The following BRCA2 variants were observed in gnomAD, a reference collection of about 807,000 sequenced individuals.
BRCA2 encodes BRCA2 DNA repair associated.
In BRCA2, 203 loss-of-function variants were observed where a neutral mutation model predicts 276.7. The ratio of observed to expected loss-of-function variants is 0.73; its 90% CI spans 0.65 to 0.82. The LOEUF (loss-of-function observed/expected upper bound fraction) is 0.82, where lower values mean the gene tolerates loss of function less well. Ranked by LOEUF, BRCA2 falls within the 40% of genes least tolerant of loss-of-function variation. The probability of loss-of-function intolerance (pLI) is 0.00; values close to 1 mark genes in which losing one functional copy is unlikely to be tolerated. For missense variants in BRCA2, 3,920 were observed against 3,915.0 expected, an observed-to-expected ratio of 1.00 and a Z score of -0.03; for synonymous variants, 1,289 against 1,338.4, an observed-to-expected ratio of 0.96 and a Z score of 0.81.
rs569384536 is a variant in BRCA2, at chr13:32,323,558, G to T, written c.317-1518G>T. 4.6e-5 allele frequency among the ~76,000 whole-genome samples: 7 copies of T among 152,184 alleles called. No individual in the cohort carries two copies. In the East Asian group the frequency reaches 1.4e-3, roughly 29 times the overall value. On this transcript the variant is annotated intron_variant, in intron 3 of 26. Coordinates refer to ENST00000380152, the MANE Select transcript of BRCA2 (RefSeq NM_000059.4). ...GAGGTTGGATATTTTGTTGAAGTGG[G>T]GTTTTTAAGTTACACATCCATTTGC...
In BRCA2 at chr13:32,356,561, G is replaced by A. The variant is rs786201620; in HGVS notation, c.7569G>A (p.Leu2523=). 2.5e-6 allele frequency: 4 copies of A among 1,614,184 alleles called. No individual in the cohort carries two copies. In the South Asian group the frequency reaches 3.3e-5, roughly 13 times the overall value. The change falls in exon 15 of 27, where the codon CTG becomes CTA. Residue 2523 remains leucine (L), a synonymous_variant. Transcript: ENST00000380152. ...CATCCACTCTGCCTCGAATCTCTCT[G>A]AAAGCAGCAGTAGGAGGCCAAGTTC... ...AKTSTLPRIS[L]KAAVGGQVPS...
chr13:32,357,896 A>G lies in BRCA2; in HGVS notation c.7772A>G (p.Asn2591Ser), dbSNP rs80359006. The stretch of plus-strand genomic sequence containing the variant: ...GATGGTGGATGGCTCATACCCTCCA[A>G]TGATGGAAAGGCTGGAAAAGAAGAA... ...LADGGWLIPS[N>S]DGKAGKEEFY... The change falls in exon 16 of 27, where the codon AAT (asparagine) becomes AGT (serine). Residue 2591 changes from asparagine (N) to serine (S), a missense_variant. Physicochemically the swap from Asn to Ser is conservative, Grantham distance 46. This residue lies in a region of BRCA2 where 3,263 missense variants were observed against 3,156.9 expected (regional missense o/e 1.03). Transcript: ENST00000380152. 6.2e-7 allele frequency: 1 copy of G among 1,614,172 alleles called. No homozygotes were observed. Among genetic ancestry groups the G allele is most frequent in the Non-Finnish European group, 8.5e-7 (1 of 1,180,020 alleles).
Position 32,376,724 on chromosome 13 carries a change from G to T in BRCA2, c.8687G>T (p.Arg2896Leu), listed in dbSNP as rs80359128. The T allele has an allele frequency of 6.2e-7, 1 of 1,614,084 alleles. No homozygotes were observed. The highest frequency in any genetic ancestry group is 8.5e-7 in the Non-Finnish European group (1 of 1,180,018). Residue 2896 changes from arginine to leucine, a missense_variant, in exon 21 of 27, where the codon CGT becomes CTT. This residue lies in a region of BRCA2 where 657 missense variants were observed against 758.2 expected (regional missense o/e 0.87). Transcript: ENST00000380152. ...PSRALTRQQVRALQDGAELYE... is the reference protein window; with the variant it reads ...PSRALTRQQVLALQDGAELYE... The stretch of plus-strand genomic sequence containing the variant: ...CGTGCACTAACAAGACAGCAAGTTC[G>T]TGCTTTGCAAGATGGTGCAGAGCTT...
rs80359655 is a variant in BRCA2, at chr13:32,356,477, TAAG to T, written c.7491_7493del (p.Lys2498del). 1.2e-6 allele frequency: 2 copies of T among 1,614,152 alleles called. No homozygotes were observed. The highest frequency in any genetic ancestry group is 1.7e-6 in the Non-Finnish European group (2 of 1,179,982). ...CCAGAGATATACAGGATATGCGAAT[TAAG>T]AAGAAACAAAGGCAACGCGTCTTTC... On this transcript the variant is annotated inframe_deletion, in exon 15 of 27. Transcript: ENST00000380152.
rs2137527830 is a variant in BRCA2 at position 32,340,819 on chromosome 13, T to G, written c.6464T>G (p.Leu2155Arg). The change falls in exon 11 of 27, where the codon CTC becomes CGC. Residue 2155 changes from leucine (L) to arginine (R), a missense_variant. Physicochemically the swap from Leu to Arg is moderately radical, Grantham distance 102 (BLOSUM62 -2). Coordinates refer to ENST00000380152, the MANE Select transcript of BRCA2 (RefSeq NM_000059.4). ...CACTCTATTAAAGTTTCTCCATATC[T>G]CTCTCAATTTCAACAAGACAAACAA... is the stretch of plus-strand genomic sequence containing the variant. The part of the protein sequence containing the change: ...NNHSIKVSPY[L>R]SQFQQDKQQL... 6.3e-7 allele frequency: 1 copy of G among 1,589,292 alleles called. No homozygotes were observed. Among genetic ancestry groups the G allele is most frequent in the East Asian group, 2.2e-5 (1 of 44,680 alleles).
intron 22 of BRCA2, 72 bp from the exon 23 acceptor site, chr13:32,379,677 TA>T: frequency 6.4e-7 from 1 of 1,554,468 alleles, no homozygotes. Context: ...AGAGGATCTG[TA>T]TTTATTTTGA....
At position 32,363,178 on chromosome 13, in the gene BRCA2, GATATGATACGGAA is replaced by G. The variant is rs730881614; in HGVS notation, c.7979_7991del (p.Tyr2660LeufsTer9). ...ATATGCATTTTTGTTTTCACTTTTAGATATGATACGGAAATTGATAGAAGCAGAAGATCGGCTA... is the reference window on the plus strand; with the variant it reads ...ATATGCATTTTTGTTTTCACTTTTAGATTGATAGAAGCAGAAGATCGGCTA... On this transcript the variant is annotated frameshift_variant and splice_region_variant, in exon 18 of 27. Transcript: ENST00000380152. LOFTEE classifies it high-confidence loss of function. 1 of 1,612,468 alleles carries G rather than the reference GATATGATACGGAA, an allele frequency of 6.2e-7. No individual in the cohort carries two copies. Among genetic ancestry groups the G allele is most frequent in the Non-Finnish European group, 8.5e-7 (1 of 1,179,098 alleles).
rs9567639 is a variant in BRCA2, at chr13:32,384,512, G to A, written c.9256+4367G>A. The A allele has an allele frequency of 0.22, 33,245 of 153,044 alleles. 3,737 individuals are homozygous for A. Among genetic ancestry groups the A allele is most frequent in the East Asian group, 0.39 (2,031 of 5,156 alleles). The allele number at this position is 153,044 out of a possible 1,614,324, so 9.5% of individuals were successfully genotyped here. A position where few individuals can be genotyped will look rare whatever the true frequency, so the allele number is the denominator to read the frequency against. ...GTTTATAGCAGGTGTATATATTTAT[G>A]GGGGAGCCTGTGCTTGTTATGGGGA... is the stretch of plus-strand genomic sequence containing the variant. On this transcript the variant is annotated intron_variant, in intron 24 of 26. Coordinates refer to ENST00000380152, the MANE Select transcript of BRCA2 (RefSeq NM_000059.4).
rs1331207836 is a variant in BRCA2, at chr13:32,339,880, C to T, written c.5525C>T (p.Pro1842Leu). The T allele has an allele frequency of 2.5e-6, 4 of 1,612,082 alleles. No individual in the cohort carries two copies. In the East Asian group the frequency reaches 8.9e-5, roughly 36 times the overall value. Residue 1842 changes from proline (P) to leucine (L), a missense_variant, in exon 11 of 27, where the codon CCT becomes CTT. Pro to Leu is a moderately conservative substitution (Grantham distance 98). This residue lies in a region of BRCA2 where 3,263 missense variants were observed against 3,156.9 expected (regional missense o/e 1.03). Transcript: ENST00000380152. ...AGTAATAATTTTGAGGTAGGGCCACCTGCATTTAGGATAGCCAGTGGTAAA... is the reference window on the plus strand; with the variant it reads ...AGTAATAATTTTGAGGTAGGGCCACTTGCATTTAGGATAGCCAGTGGTAAA... The part of the protein sequence containing the change: ...SNSNNFEVGP[P>L]AFRIASGKIV...
rs11571723 is a variant in BRCA2 at position 32,364,532 on chromosome 13, T to A, written c.8331+999T>A. On this transcript the variant is annotated intron_variant, in intron 18 of 26. Coordinates refer to ENST00000380152, the MANE Select transcript of BRCA2 (RefSeq NM_000059.4). The stretch of plus-strand genomic sequence containing the variant: ...CTCTTCCCCATCTTCCCTCTACTAA[T>A]ACAGCATGATTTTTAGTGAAATCTG... Among the ~76,000 whole-genome samples the A allele has an allele frequency of 9.7e-3, 1,471 of 152,336 alleles. 28 individuals are homozygous for A. Among genetic ancestry groups the A allele is most frequent in the African/African-American group, 0.034 (1,413 of 41,584 alleles).
chr13:32,335,392 C>CAATT (rs2072440495), intron 10 of BRCA2, among the ~76,000 whole-genome samples: 2 of 149,428 alleles, frequency 1.3e-5, no homozygotes, highest in African/African-American at 4.9e-5. Context: ...TGATGAAATG[C>CAATT]AATTAAGAAC....
At chr13:32,344,250 A>C (rs1196759673) in intron 11 of BRCA2, among the ~76,000 whole-genome samples, 3 of 150,904 alleles carry the variant, frequency 2.0e-5, no homozygotes, top group African/African-American at 7.3e-5. Flanking sequence ...AGTTATATTT[A>C]GTGTCAGTTT....
At chr13:32,346,988 C>T (rs540614479) in intron 13 of BRCA2, 92 bp downstream of exon 13, 59 of 981,550 alleles carry the variant, frequency 6.0e-5, no homozygotes, top group South Asian at 4.6e-4. Context: ...ATGACACTAA[C>T]GTTAAGAAGT....
chr13:32,347,762 C>T (rs1433388111), intron 13 of BRCA2, among the ~76,000 whole-genome samples: 2 of 152,064 alleles, frequency 1.3e-5, no homozygotes, highest in Admixed American at 6.6e-5. Flanking sequence ...ATATGCCTGA[C>T]CCAATAGAAA....
At chr13:32,385,574 A>C (rs2072953865) in intron 24 of BRCA2, 1 of 268,498 alleles carries the variant, frequency 3.7e-6, no homozygotes, top group Non-Finnish European at 7.4e-6. Context: ...CAAAAGATCC[A>C]AATGAAGGAA....
chr13:32,332,251 T>C, intron 9 of BRCA2, 21 bp from the exon 10 acceptor site: 1 of 1,568,720 alleles, frequency 6.4e-7, no homozygotes, highest in South Asian at 1.2e-5. Context: ...ATTAATGTGC[T>C]TCTGTTTTAT....
chr13:32,377,670 T>C (rs2072883530), intron 21 of BRCA2, among the ~76,000 whole-genome samples: 1 of 151,876 alleles, frequency 6.6e-6, no homozygotes, highest in South Asian at 2.1e-4. Flanking sequence ...AAAAGTTCCA[T>C]ATAAATGTTA....
intron 21 of BRCA2, among the ~76,000 whole-genome samples, chr13:32,377,590 C>A (rs1457677139): frequency 2.1e-4 from 21 of 99,512 alleles, no homozygotes; most frequent in African/African-American, 6.2e-4. Flanking sequence ...AACTCCGTCT[C>A]AAAAAAAAAA....
At position 32,363,501 on chromosome 13, in the gene BRCA2, C is replaced by A. The variant is rs587782619; in HGVS notation, c.8299C>A (p.Pro2767Thr). Residue 2767 changes from proline to threonine, a missense_variant, in exon 18 of 27, where the codon CCT becomes ACT. By Grantham distance (38) the Pro-to-Thr change is conservative. Around this residue, in one of 2 missense-constraint regions of BRCA2, gnomAD observed 3,263 missense variants for 3,156.9 expected, o/e 1.03. Coordinates refer to ENST00000380152, the MANE Select transcript of BRCA2 (RefSeq NM_000059.4). ...ELVGSPDACTPLEAPESLMLK... is the reference protein window; with the variant it reads ...ELVGSPDACTTLEAPESLMLK... The stretch of plus-strand genomic sequence containing the variant: ...GGTGGGCTCTCCTGATGCCTGTACA[C>A]CTCTTGAAGCCCCAGAATCTCTTAT... 1 of 1,613,968 alleles carries A rather than the reference C, an allele frequency of 6.2e-7. No homozygotes were observed. Among genetic ancestry groups the A allele is most frequent in the Non-Finnish European group, 8.5e-7 (1 of 1,179,914 alleles).
Sources: gnomAD v4.1 joint callset for allele counts (sites outside exome capture counted in the v4.1 genomes callset) on GRCh38, gnomAD v4.1.1 for gene constraint, gnomAD v4.1.1 regional missense constraint, MANE v1.5 for transcripts, NCBI Gene and HGNC (gene_info 2026-07-23, HGNC 2026-07-21) for gene names.